The following ZHX2 variants were observed in gnomAD, a reference collection of about 807,000 sequenced individuals.
The protein encoded by ZHX2 is zinc fingers and homeoboxes protein 2.
In ZHX2, 6 loss-of-function variants were observed where a neutral mutation model predicts 21.9. That is an observed-to-expected ratio of 0.27 (90% CI 0.15 to 0.54). The LOEUF (loss-of-function observed/expected upper bound fraction) is 0.54. Ranked by LOEUF, ZHX2 falls within the 20% of genes least tolerant of loss-of-function variation. ZHX2 has a pLI of 0.95. For synonymous variants in ZHX2, 434 were observed against 437.1 expected, an observed-to-expected ratio of 0.99 and a Z score of 0.09; for missense variants, 908 against 1,090.7, an observed-to-expected ratio of 0.83 and a Z score of 2.36.
At chr8:122,862,184 G>A (rs535683691) in intron 1 of ZHX2, among the ~76,000 whole-genome samples, 1 of 152,048 alleles carries the variant, frequency 6.6e-6, no homozygotes, top group African/African-American at 2.4e-5. Flanking sequence ...CCCACCACCC[G>A]TGGCTAGGAC....
At chr8:122,785,298 C>G (rs567709582) in intron 1 of ZHX2, among the ~76,000 whole-genome samples, 1 of 152,246 alleles carries the variant, frequency 6.6e-6, no homozygotes, top group South Asian at 2.1e-4. Context: ...TTGTGTCAGA[C>G]AACAACGGGG....
At chr8:122,836,163 C>T (rs913613625) in intron 1 of ZHX2, among the ~76,000 whole-genome samples, 10 of 152,156 alleles carry the variant, frequency 6.6e-5, no homozygotes, top group African/African-American at 2.2e-4. Context: ...TTAGAGGCAC[C>T]CCCCTAAGGC....
chr8:122,802,757 T>C (rs533968938), intron 1 of ZHX2, among the ~76,000 whole-genome samples: 1 of 152,250 alleles, frequency 6.6e-6, no homozygotes, highest in East Asian at 1.9e-4. Flanking sequence ...GCCTGGCTGG[T>C]AAAGTGAATG....
At chr8:122,917,236 C>A (rs1487139946) in intron 2 of ZHX2, among the ~76,000 whole-genome samples, 1 of 152,110 alleles carries the variant, frequency 6.6e-6, no homozygotes, top group African/African-American at 2.4e-5. Flanking sequence ...TGGGAGTCCT[C>A]AGGGAGCATT....
intron 1 of ZHX2, among the ~76,000 whole-genome samples, chr8:122,817,402 A>G (rs1818058498): frequency 1.3e-5 from 2 of 152,248 alleles, no homozygotes; most frequent in African/African-American, 4.8e-5. Flanking sequence ...CACTAGGAAG[A>G]GGAATGCATT....
At position 122,950,853 on chromosome 8, in the gene ZHX2, C is replaced by A. The variant is rs192864013; in HGVS notation, c.-219-439C>A. 1.6e-3 allele frequency among the ~76,000 whole-genome samples: 248 copies of A among 151,650 alleles called. 1 individual carries two copies. The highest frequency in any genetic ancestry group is 1.4e-3 in the Non-Finnish European group (92 of 67,922). On this transcript the variant is annotated intron_variant, in intron 2 of 3. Transcript: ENST00000314393. ...TTCTGGATTTTCTATCATGATTTTGCTTTTATGATAAGCAAAATGTTCATA... is the reference window on the plus strand; with the variant it reads ...TTCTGGATTTTCTATCATGATTTTGATTTTATGATAAGCAAAATGTTCATA...
intron 1 of ZHX2, among the ~76,000 whole-genome samples, chr8:122,836,913 G>T (rs1294152630): frequency 3.9e-5 from 6 of 152,166 alleles, no homozygotes; most frequent in Non-Finnish European, 7.4e-5. Context: ...TAAGGCACAG[G>T]ATGAGGTAGG....
chr8:122,799,984 A>G (rs534312978), intron 1 of ZHX2, among the ~76,000 whole-genome samples: 44 of 152,088 alleles, frequency 2.9e-4, no homozygotes, highest in Middle Eastern at 3.4e-3. Context: ...CAGCCTCCCG[A>G]GTAGCTGGGA....
intron 1 of ZHX2, among the ~76,000 whole-genome samples, chr8:122,803,358 G>A (rs1395478362): frequency 1.3e-5 from 2 of 152,260 alleles, no homozygotes; most frequent in South Asian, 2.1e-4. Flanking sequence ...ACTGGTGGAG[G>A]CCATGTCTTG....
intron 2 of ZHX2, among the ~76,000 whole-genome samples, chr8:122,892,716 G>A (rs1165524890): frequency 6.6e-6 from 1 of 151,810 alleles, no homozygotes; most frequent in Non-Finnish European, 1.5e-5. Context: ...ACAGAGTCTC[G>A]CACTGTCGCC....
Position 122,953,604 on chromosome 8 carries a change from C to T in ZHX2, c.2094C>T (p.Pro698=). The change falls in exon 3 of 4, where the codon CCC becomes CCT. Residue 698 remains proline (P), a synonymous_variant. Coordinates refer to ENST00000314393, the MANE Select transcript of ZHX2 (RefSeq NM_014943.5). The surrounding 1 kb of genome is among the most constrained non-coding windows in gnomAD (Gnocchi z 4.6). Reference sequence around the variant, plus strand: ...GGATGGAGCAGTACCAGCACCAGCCCATGGCAGATGATCACGGCTACGATG... The same window carrying T: ...GGATGGAGCAGTACCAGCACCAGCCTATGGCAGATGATCACGGCTACGATG... ...VKWMEQYQHQ[P]MADDHGYDAV... 1 of 1,614,154 alleles carries T rather than the reference C, an allele frequency of 6.2e-7. No individual in the cohort carries two copies. Among genetic ancestry groups the T allele is most frequent in the Non-Finnish European group, 8.5e-7 (1 of 1,180,032 alleles).
chr8:122,843,021 C>T (rs1440144871), intron 1 of ZHX2, among the ~76,000 whole-genome samples: 1 of 152,170 alleles, frequency 6.6e-6, no homozygotes, highest in Non-Finnish European at 1.5e-5. Flanking sequence ...AACCATTGCC[C>T]CAGCTCATTT....
intron 1 of ZHX2, among the ~76,000 whole-genome samples, chr8:122,847,794 C>A (rs987617887): frequency 6.6e-6 from 1 of 152,222 alleles, no homozygotes; most frequent in African/African-American, 2.4e-5. Context: ...ACTCTCCTCT[C>A]TGGTGTTGAC....
intron 3 of ZHX2, among the ~76,000 whole-genome samples, chr8:122,962,730 A>T (rs1016977229): frequency 1.3e-5 from 2 of 152,206 alleles, no homozygotes; most frequent in Admixed American, 1.3e-4. Context: ...GTACTAGTTT[A>T]CATTTCCACC....
chr8:122,955,328 T>C (rs954869825), intron 3 of ZHX2, among the ~76,000 whole-genome samples: 1 of 152,024 alleles, frequency 6.6e-6, no homozygotes, highest in Non-Finnish European at 1.5e-5. Flanking sequence ...TCACTTAAAA[T>C]ACCACGGAAT....
intron 3 of ZHX2, among the ~76,000 whole-genome samples, chr8:122,956,023 T>C (rs1813291659): frequency 6.6e-6 from 1 of 152,014 alleles, no homozygotes; most frequent in Admixed American, 6.6e-5. Context: ...TTTCATATTT[T>C]TAGTAGAGAC....
intron 2 of ZHX2, among the ~76,000 whole-genome samples, chr8:122,865,284 A>T (rs1050450012): frequency 6.6e-6 from 1 of 151,922 alleles, no homozygotes; most frequent in Non-Finnish European, 1.5e-5. Flanking sequence ...GCCCACCACC[A>T]CGCCCAGCTA....
At chr8:122,946,209 C>T (rs1812972320) in intron 2 of ZHX2, among the ~76,000 whole-genome samples, 1 of 152,090 alleles carries the variant, frequency 6.6e-6, no homozygotes, top group Non-Finnish European at 1.5e-5. Flanking sequence ...CTGCAAGTAC[C>T]AGACTTCATG....
At chr8:122,811,964 C>G (rs1457728977) in intron 1 of ZHX2, 2 of 152,188 alleles carry the variant, frequency 1.3e-5, no homozygotes, top group Non-Finnish European at 2.9e-5. Flanking sequence ...GATTCCTTCT[C>G]TCATGGAACT....
Sources: allele counts gnomAD v4.1 joint callset (sites outside exome capture counted in the v4.1 genomes callset), GRCh38; gene constraint gnomAD v4.1.1; non-coding constraint Gnocchi (gnomAD v3.1); transcripts MANE v1.5; gene names NCBI Gene and HGNC (gene_info 2026-07-23, HGNC 2026-07-21).